SHC4: variants seen among roughly 807,000 people sequenced by gnomAD.
The protein encoded by SHC4 is SHC-transforming protein 4.
SHC4 carries 41 observed loss-of-function variants against 69.4 expected under a neutral mutation model. That is an observed-to-expected ratio of 0.59 (90% CI 0.46 to 0.77). SHC4 has a LOEUF of 0.77. SHC4 is among the 30% of genes least tolerant of loss of function. The pLI, the probability that SHC4 is intolerant of heterozygous loss-of-function variation, is 0.00. For synonymous variants in SHC4, 318 were observed against 299.3 expected, an observed-to-expected ratio of 1.06 and a Z score of -0.64; for missense variants, 777 against 783.8, an observed-to-expected ratio of 0.99 and a Z score of 0.10.
intron 1 of SHC4, among the ~76,000 whole-genome samples, chr15:48,935,241 A>G (rs1901045629): frequency 6.6e-6 from 1 of 152,198 alleles, no homozygotes; most frequent in Non-Finnish European, 1.5e-5. Flanking sequence ...CAGTGACTAC[A>G]GTTTTTTGAA....
intron 1 of SHC4, among the ~76,000 whole-genome samples, chr15:48,926,779 G>T (rs190856271): frequency 6.6e-6 from 1 of 152,178 alleles, no homozygotes; most frequent in Admixed American, 6.5e-5. Flanking sequence ...TAGTATTTCT[G>T]AGCAGATTGT....
chr15:48,925,192 T>C (rs1485170359), intron 1 of SHC4, among the ~76,000 whole-genome samples: 2 of 152,170 alleles, frequency 1.3e-5, no homozygotes, highest in African/African-American at 2.4e-5. Context: ...CAAAGACAAA[T>C]GTGGGTTCAG....
At chr15:48,948,908 A>C (rs1351521307) in intron 1 of SHC4, among the ~76,000 whole-genome samples, 5 of 152,230 alleles carry the variant, frequency 3.3e-5, no homozygotes, top group African/African-American at 1.2e-4. Context: ...CTTGTCTCAA[A>C]AAAGAAAAAT....
chr15:48,891,823 G>C (rs953574539), intron 2 of SHC4, among the ~76,000 whole-genome samples: 10 of 152,270 alleles, frequency 6.6e-5, no homozygotes, highest in African/African-American at 2.2e-4. Context: ...GTCAGAGAGA[G>C]GAATGCAGAC....
chr15:48,838,915 A>G (rs559470768), intron 10 of SHC4, among the ~76,000 whole-genome samples: 13 of 152,154 alleles, frequency 8.5e-5, no homozygotes, highest in Admixed American at 8.5e-4. Context: ...AAATAAAACT[A>G]TGAAGCCAAT....
At position 48,826,049 on chromosome 15, in the gene SHC4, G is replaced by A. The variant is rs1371020558; in HGVS notation, c.1815C>T (p.Ile605=). The A allele has an allele frequency of 1.2e-6, 2 of 1,613,848 alleles. No homozygotes were observed. Among genetic ancestry groups the A allele is most frequent in the Non-Finnish European group, 1.7e-6 (2 of 1,179,958 alleles). Residue 605 remains isoleucine, a synonymous_variant, in exon 12 of 12, where the codon ATC becomes ATT. Transcript: ENST00000332408. ...RYHMDNSLPI[I]SSGSEVSLKQ... ...TAAGGCTTACTTCGCTTCCAGAGGA[G>A]ATGATTGGCAAACTGTTATCCATAT...
chr15:48,925,018 C>T, intron 1 of SHC4, 69 bp from the exon 2 acceptor site: 1 of 1,529,140 alleles, frequency 6.5e-7, no homozygotes, highest in Non-Finnish European at 9.0e-7. Flanking sequence ...AGCTTCACGG[C>T]AACTTCCTGG....
At position 48,940,786 on chromosome 15, in the gene SHC4, G is replaced by A. The variant is rs536076145; in HGVS notation, c.586-15837C>T. On this transcript the variant is annotated intron_variant, in intron 1 of 11. Transcript: ENST00000332408. The stretch of plus-strand genomic sequence containing the variant: ...AGTCCTAAATGAATGGTCAGTGTTC[G>A]TTATACTGAAACCATGACTCACATT... Among the ~76,000 whole-genome samples the A allele has an allele frequency of 3.3e-5, 5 of 152,238 alleles. No homozygotes were observed. The East Asian group carries it at 5.8e-4, about 18-fold the overall frequency.
At chr15:48,961,390 A>C (rs919011798) in intron 1 of SHC4, among the ~76,000 whole-genome samples, 3 of 152,286 alleles carry the variant, frequency 2.0e-5, no homozygotes, top group Middle Eastern at 6.8e-3. Flanking sequence ...TACTTGTTTG[A>C]GTACTACAAG....
At chr15:48,933,587 T>C (rs1030424175) in intron 1 of SHC4, among the ~76,000 whole-genome samples, 3 of 152,188 alleles carry the variant, frequency 2.0e-5, no homozygotes, top group Admixed American at 1.3e-4. Flanking sequence ...CTAAAATTCA[T>C]GTCTAACTTC....
At chr15:48,928,186 G>A (rs1016649504) in intron 1 of SHC4, among the ~76,000 whole-genome samples, 1 of 151,884 alleles carries the variant, frequency 6.6e-6, no homozygotes, top group African/African-American at 2.4e-5. Flanking sequence ...TCTTTGCAAG[G>A]TTTCTAGATT....
intron 1 of SHC4, among the ~76,000 whole-genome samples, chr15:48,950,252 T>C (rs1901345881): frequency 6.8e-6 from 1 of 147,028 alleles, no homozygotes; most frequent in South Asian, 2.1e-4. Context: ...AAATTTCATA[T>C]ATATTTTAGA....
chr15:48,878,371 A>G (rs1899865249), intron 4 of SHC4: 1 of 1,613,088 alleles, frequency 6.2e-7, no homozygotes, highest in Non-Finnish European at 8.5e-7. Flanking sequence ...AGGCCCAGCC[A>G]ATGGCGGCGC....
At chr15:48,951,130 A>G (rs1337089108) in intron 1 of SHC4, among the ~76,000 whole-genome samples, 1 of 152,022 alleles carries the variant, frequency 6.6e-6, no homozygotes, top group Non-Finnish European at 1.5e-5. Flanking sequence ...AACAACAAAA[A>G]TAATTTCTCC....
chr15:48,869,394 G>A (rs1328452655), intron 5 of SHC4, among the ~76,000 whole-genome samples: 1 of 152,180 alleles, frequency 6.6e-6, no homozygotes, highest in Non-Finnish European at 1.5e-5. Flanking sequence ...TTGGACCTCA[G>A]GGACTTTTAA....
chr15:48,878,233 G>A, intron 4 of SHC4: 28 of 1,608,272 alleles, frequency 1.7e-5, no homozygotes, highest in Non-Finnish European at 2.3e-5. Context: ...ACCTGCAGAT[G>A]GATGTGATGC....
At chr15:48,891,512 T>C (rs1272069186) in intron 2 of SHC4, among the ~76,000 whole-genome samples, 1 of 152,220 alleles carries the variant, frequency 6.6e-6, no homozygotes, top group East Asian at 1.9e-4. Context: ...TTTCCAGAAA[T>C]GCAGTTATAA....
chr15:48,891,917 C>G (rs1360732244), intron 2 of SHC4, among the ~76,000 whole-genome samples: 2 of 152,268 alleles, frequency 1.3e-5, no homozygotes. Flanking sequence ...TGCAGTGGCG[C>G]GATCTCAGCT....
chr15:48,886,191 A>G (rs1444167066), intron 3 of SHC4, among the ~76,000 whole-genome samples: 2 of 152,172 alleles, frequency 1.3e-5, no homozygotes, highest in Non-Finnish European at 2.9e-5. Flanking sequence ...TGGGAGGCGG[A>G]GGTCACAGTG....
Sources: allele counts gnomAD v4.1 joint callset (sites outside exome capture counted in the v4.1 genomes callset), GRCh38; gene constraint gnomAD v4.1.1; transcripts MANE v1.5; gene names NCBI Gene and HGNC (gene_info 2026-07-23, HGNC 2026-07-21).